CNBD1: variants seen among roughly 807,000 people sequenced by gnomAD.
CNBD1 encodes the protein cyclic nucleotide binding domain containing 1.
Under a neutral mutation model 54.4 loss-of-function variants are expected in CNBD1, and 71 were observed. That is an observed-to-expected ratio of 1.30 (90% CI 1.08 to 1.59). The LOEUF is 1.59. CNBD1 is among the 40% of genes most tolerant of loss of function. The pLI, the probability that CNBD1 is intolerant of heterozygous loss-of-function variation, is 0.00. For synonymous variants in CNBD1, 182 were observed against 170.7 expected (o/e 1.07, Z -0.51); for missense variants, 659 against 518.0 (o/e 1.27, Z -2.64).
At chr8:87,347,431 T>A (rs1005972100) in intron 8 of CNBD1, among the ~76,000 whole-genome samples, 1 of 152,190 alleles carries the variant, frequency 6.6e-6, no homozygotes, top group Non-Finnish European at 1.5e-5. Flanking sequence ...TGATGGAGCT[T>A]GCATCCTAAT....
intron 6 of CNBD1, among the ~76,000 whole-genome samples, chr8:87,280,522 ATGT>A (rs773639887): frequency 4.9e-4 from 75 of 151,722 alleles, no homozygotes; most frequent in African/African-American, 1.7e-3. Flanking sequence ...AAGAAAAAAC[ATGT>A]TGTGCAAAGT....
chr8:87,174,301 A>G (rs996891557), intron 4 of CNBD1, among the ~76,000 whole-genome samples: 4 of 151,930 alleles, frequency 2.6e-5, no homozygotes, highest in East Asian at 1.9e-4. Context: ...TGTATTTTCA[A>G]ATAACCTGTG....
chr8:87,348,060 TA>T (rs1182987649), intron 8 of CNBD1, among the ~76,000 whole-genome samples: 1 of 152,214 alleles, frequency 6.6e-6, no homozygotes, highest in Non-Finnish European at 1.5e-5. Context: ...AGTGTACATT[TA>T]TTTTTTTCTT....
chr8:87,401,378 C>A (rs1807561415), intron 2 of CNBD1, among the ~76,000 whole-genome samples: 1 of 151,932 alleles, frequency 6.6e-6, no homozygotes, highest in Admixed American at 6.6e-5. Context: ...CCATATATGG[C>A]CACAAAGGAA....
chr8:87,139,896 CTTGATGCTA>C (rs2130737138), intron 4 of CNBD1, among the ~76,000 whole-genome samples: 1 of 152,218 alleles, frequency 6.6e-6, no homozygotes, highest in Admixed American at 6.5e-5. Flanking sequence ...AACATATTGA[CTTGATGCTA>C]TCTACCTTTA....
rs540331937 is a variant in CNBD1 at position 87,068,211 on chromosome 8, A to T, written c.431+128457A>T. On this transcript the variant is annotated intron_variant, in intron 4 of 10. Transcript: ENST00000518476. ...GTAGATGAATGTTATCTTACTCATC[A>T]AATTCTGACAAAGTGTTTAGTTAAT... Among the ~76,000 whole-genome samples, 3 of 152,198 alleles carry T rather than the reference A, an allele frequency of 2.0e-5. No individual in the cohort carries two copies. In the South Asian group the frequency reaches 6.2e-4, roughly 32 times the overall value.
chr8:87,387,400 G>C (rs1045214540), downstream of CNBD1, among the ~76,000 whole-genome samples: 1 of 152,014 alleles, frequency 6.6e-6, no homozygotes, highest in Non-Finnish European at 1.5e-5. Context: ...AAAATAAAAG[G>C]ATGGAGGAAG....
intron 4 of CNBD1, among the ~76,000 whole-genome samples, chr8:86,971,925 A>AT (rs1808228607): frequency 6.6e-6 from 1 of 151,690 alleles, no homozygotes; most frequent in Admixed American, 6.6e-5. Flanking sequence ...GATATATTTT[A>AT]TTTTCATTTA....
chr8:87,350,481 G>T (rs1315003282), intron 8 of CNBD1, among the ~76,000 whole-genome samples: 3 of 151,564 alleles, frequency 2.0e-5, no homozygotes, highest in Non-Finnish European at 4.4e-5. Flanking sequence ...TTTTTTGCTG[G>T]TGGTAAATTA....
chr8:87,343,054 C>A (rs1810099851), intron 8 of CNBD1, among the ~76,000 whole-genome samples: 1 of 152,142 alleles, frequency 6.6e-6, no homozygotes, highest in Admixed American at 6.5e-5. Context: ...CCCAGGAATG[C>A]ATTCCTTCCC....
intron 6 of CNBD1, among the ~76,000 whole-genome samples, chr8:87,266,278 C>T (rs768323372): frequency 1.3e-5 from 2 of 151,412 alleles, no homozygotes; most frequent in Non-Finnish European, 2.9e-5. Flanking sequence ...CACTAGATAT[C>T]CCTAAAGAAG....
intron 4 of CNBD1, among the ~76,000 whole-genome samples, chr8:86,974,928 G>A (rs902898716): frequency 4.0e-5 from 6 of 151,724 alleles, no homozygotes; most frequent in Non-Finnish European, 7.4e-5. Context: ...CTTAAAATAA[G>A]TCTATTCCCA....
chr8:87,164,820 C>A (rs1209782287), intron 4 of CNBD1, among the ~76,000 whole-genome samples: 1 of 151,698 alleles, frequency 6.6e-6, no homozygotes, highest in East Asian at 1.9e-4. Flanking sequence ...CTTCTGCTAA[C>A]TTTGGGCTCA....
At chr8:86,872,548 C>A (rs1459795518) in intron 1 of CNBD1, among the ~76,000 whole-genome samples, 1 of 152,056 alleles carries the variant, frequency 6.6e-6, no homozygotes, top group African/African-American at 2.4e-5. Flanking sequence ...ACATTCTCAC[C>A]AACAGTATAT....
chr8:86,936,162 T>A (rs1809543929), intron 3 of CNBD1, among the ~76,000 whole-genome samples: 1 of 152,114 alleles, frequency 6.6e-6, no homozygotes, highest in African/African-American at 2.4e-5. Context: ...AAGCAATATA[T>A]TTCTTTCTAA....
chr8:87,023,145 G>T (rs768892216), intron 4 of CNBD1, among the ~76,000 whole-genome samples: 1 of 152,008 alleles, frequency 6.6e-6, no homozygotes, highest in Non-Finnish European at 1.5e-5. Context: ...CCTTCTTTTT[G>T]ACAGAATTTA....
At chr8:87,421,595 G>A (rs1263133437) in intron 2 of CNBD1, among the ~76,000 whole-genome samples, 1 of 152,016 alleles carries the variant, frequency 6.6e-6, no homozygotes, top group Non-Finnish European at 1.5e-5. Flanking sequence ...TCCCTACAAA[G>A]GACATGAACT....
At chr8:87,394,991 T>C (rs1811383211) in intron 2 of CNBD1, among the ~76,000 whole-genome samples, 3 of 151,934 alleles carry the variant, frequency 2.0e-5, no homozygotes, top group Non-Finnish European at 2.9e-5. Flanking sequence ...GATAGTGTTT[T>C]AACGTTGTAT....
rs201524660 is a variant in CNBD1, at chr8:86,912,398, TAAC to T, written c.272+7209_272+7211del. Among the ~76,000 whole-genome samples the T allele has an allele frequency of 7.9e-3, 1,197 of 152,270 alleles. 16 individuals carry two copies. The highest frequency in any genetic ancestry group is 0.027 in the African/African-American group (1,123 of 41,552). The stretch of plus-strand genomic sequence containing the variant: ...TTCCAATATGCAGTCATGCACTGCA[TAAC>T]AACATTTCAGCCAACAGTGGATCAC... On this transcript the variant is annotated intron_variant, in intron 3 of 10. Coordinates refer to ENST00000518476, the MANE Select transcript of CNBD1 (RefSeq NM_173538.3).
Sources: gnomAD v4.1 joint callset for allele counts (sites outside exome capture counted in the v4.1 genomes callset) on GRCh38, gnomAD v4.1.1 for gene constraint, MANE v1.5 for transcripts, NCBI Gene and HGNC (gene_info 2026-07-23, HGNC 2026-07-21) for gene names.